PKN2: variants seen among roughly 807,000 people sequenced by gnomAD.
PKN2 encodes the protein serine/threonine-protein kinase N2.
A neutral mutation model predicts 119.1 loss-of-function variants in PKN2; 38 were observed. The ratio of observed to expected loss-of-function variants is 0.32; its 90% CI spans 0.25 to 0.42. The LOEUF is 0.42. Among genes scored for constraint, PKN2 ranks in the 10% least tolerant of loss-of-function variants. The pLI, the probability that PKN2 is intolerant of heterozygous loss-of-function variation, is 1.00. For missense variants in PKN2, 850 were observed against 1,165.1 expected (o/e 0.73, Z 3.94); for synonymous variants, 390 against 384.9 (o/e 1.01, Z -0.15).
intron 1 of PKN2, among the ~76,000 whole-genome samples, chr1:88,691,494 T>G (rs1187975283): frequency 6.6e-6 from 1 of 152,236 alleles, no homozygotes; most frequent in Non-Finnish European, 1.5e-5. Context: ...ATGCAACTTT[T>G]GGATTTTTAA....
chr1:88,765,282 C>A (rs962512036), intron 3 of PKN2, among the ~76,000 whole-genome samples: 550 of 127,952 alleles, frequency 4.3e-3, no homozygotes, highest in Non-Finnish European at 5.5e-3. Context: ...GACTTCATCT[C>A]AAAAAAAAAA....
intron 6 of PKN2, among the ~76,000 whole-genome samples, chr1:88,778,372 T>C (rs1670189793): frequency 6.6e-6 from 1 of 152,260 alleles, no homozygotes; most frequent in Non-Finnish European, 1.5e-5. Context: ...AGCTGGGCCC[T>C]GTGCTTGAGC....
At chr1:88,775,332 A>G (rs1007822606) in intron 6 of PKN2, among the ~76,000 whole-genome samples, 5 of 152,268 alleles carry the variant, frequency 3.3e-5, no homozygotes, top group Middle Eastern at 3.4e-3. Context: ...CTTTTCCACA[A>G]TGGTCATACA....
rs75915457 is a variant in PKN2, at chr1:88,793,595, A to T, written c.1281+7382A>T. 4.5e-3 allele frequency among the ~76,000 whole-genome samples: 688 copies of T among 152,240 alleles called. 2 individuals are homozygous for T. Among genetic ancestry groups the T allele is most frequent in the African/African-American group, 0.016 (646 of 41,530 alleles). ...CCTTCCAACATTTGCCATCATTATG[A>T]GGGATTTAAAATATCTGCATACAGT... is the stretch of plus-strand genomic sequence containing the variant. On this transcript the variant is annotated intron_variant, in intron 8 of 21. Transcript: ENST00000370521.
chr1:88,804,960 T>G, intron 10 of PKN2, 39 bp downstream of exon 10: 1 of 962,696 alleles, frequency 1.0e-6, no homozygotes, highest in South Asian at 1.5e-5. Flanking sequence ...TTTTGATATT[T>G]TCTTAAACAA....
intron 16 of PKN2, among the ~76,000 whole-genome samples, chr1:88,814,497 C>A (rs1158698557): frequency 6.6e-6 from 1 of 152,132 alleles, no homozygotes. Flanking sequence ...CAGCCCCGTC[C>A]TCTTACCTAA....
At chr1:88,777,446 C>T (rs964129865) in intron 6 of PKN2, among the ~76,000 whole-genome samples, 1 of 152,188 alleles carries the variant, frequency 6.6e-6, no homozygotes, top group Non-Finnish European at 1.5e-5. Context: ...TATTCTGTTA[C>T]TGTGCTTGCT....
chr1:88,719,019 T>A (rs1667566739), intron 1 of PKN2, among the ~76,000 whole-genome samples: 1 of 152,214 alleles, frequency 6.6e-6, no homozygotes, highest in South Asian at 2.1e-4. Flanking sequence ...AAATGTGATA[T>A]TTATCATTTC....
intron 1 of PKN2, among the ~76,000 whole-genome samples, chr1:88,691,773 A>C (rs1311904301): frequency 6.6e-6 from 1 of 152,210 alleles, no homozygotes; most frequent in Non-Finnish European, 1.5e-5. Flanking sequence ...ACTGTGGTCC[A>C]AAAATAGGTG....
intron 8 of PKN2, among the ~76,000 whole-genome samples, chr1:88,797,651 AAG>A (rs1269970771): frequency 7.4e-5 from 11 of 147,790 alleles, no homozygotes; most frequent in Admixed American, 2.0e-4. Flanking sequence ...AAAAAAAAAA[AAG>A]AGAGAGAATG....
At chr1:88,740,905 T>C in intron 1 of PKN2, 83 bp from the exon 2 acceptor site, 1 of 805,390 alleles carries the variant, frequency 1.2e-6, no homozygotes, top group Non-Finnish European at 1.9e-6. Flanking sequence ...CAAGAAAGAC[T>C]CTCTTAGGCT....
At chr1:88,807,071 C>T (rs1671571459) in intron 12 of PKN2, among the ~76,000 whole-genome samples, 1 of 151,954 alleles carries the variant, frequency 6.6e-6, no homozygotes, top group Non-Finnish European at 1.5e-5. Flanking sequence ...GCTCCAGCTA[C>T]TCGGGAGGCT....
At chr1:88,794,700 TTTA>T (rs539015460) in intron 8 of PKN2, among the ~76,000 whole-genome samples, 93 of 152,330 alleles carry the variant, frequency 6.1e-4, no homozygotes, top group Non-Finnish European at 1.0e-3. Flanking sequence ...AGCTGTTTTT[TTTA>T]TTATCACAAA....
intron 21 of PKN2, 33 bp downstream of exon 21, chr1:88,833,190 C>T: frequency 6.2e-7 from 1 of 1,609,458 alleles, no homozygotes; most frequent in Non-Finnish European, 8.5e-7. Flanking sequence ...TTTTATGAAA[C>T]TAGAGCGATT....
chr1:88,806,092 C>T (rs1484751521), intron 12 of PKN2, 75 bp downstream of exon 12: 2 of 1,225,864 alleles, frequency 1.6e-6, no homozygotes, highest in Non-Finnish European at 2.4e-6. Context: ...GTGAATAAGG[C>T]GTGTCTTTCC....
At chr1:88,764,247 A>G (rs945224624) in intron 3 of PKN2, among the ~76,000 whole-genome samples, 8 of 152,156 alleles carry the variant, frequency 5.3e-5, no homozygotes, top group Non-Finnish European at 7.4e-5. Context: ...TGCACTTGCT[A>G]TATCTTTGCC....
intron 4 of PKN2, 97 bp from the exon 5 acceptor site, chr1:88,771,324 G>T (rs890048599): frequency 1.2e-6 from 1 of 808,968 alleles, no homozygotes; most frequent in Non-Finnish European, 1.9e-6. Context: ...CTAAGTTATT[G>T]TAATGTTATA....
intron 2 of PKN2, among the ~76,000 whole-genome samples, chr1:88,748,771 C>CA (rs35282314): frequency 0.59 from 89,959 of 151,656 alleles, 26,845 homozygotes; most frequent in Middle Eastern, 0.82. Context: ...TTCATCTCCA[C>CA]AAAAAATTTA....
At chr1:88,689,933 T>C (rs985164088) in intron 1 of PKN2, among the ~76,000 whole-genome samples, 24 of 152,230 alleles carry the variant, frequency 1.6e-4, no homozygotes, top group African/African-American at 4.6e-4. Flanking sequence ...GCTGCTCTTA[T>C]AGACTACCAC....
Sources: gnomAD v4.1 joint callset for allele counts (sites outside exome capture counted in the v4.1 genomes callset) on GRCh38, gnomAD v4.1.1 for gene constraint, MANE v1.5 for transcripts, NCBI Gene and HGNC (gene_info 2026-07-23, HGNC 2026-07-21) for gene names.